The following FBXL7 variants were observed in gnomAD, a reference collection of about 807,000 sequenced individuals.
The protein encoded by FBXL7 is F-box/LRR-repeat protein 7.
FBXL7 carries 12 observed loss-of-function variants against 38.3 expected under a neutral mutation model. The observed-to-expected ratio is 0.31, with a 90% confidence interval of 0.20 to 0.51. The LOEUF (loss-of-function observed/expected upper bound fraction) is 0.51. Ranked by LOEUF, FBXL7 falls within the 20% of genes least tolerant of loss-of-function variation. FBXL7 has a pLI of 0.98. For synonymous variants in FBXL7, 297 were observed against 300.9 expected, an observed-to-expected ratio of 0.99 and a Z score of 0.13; for missense variants, 567 against 676.4, an observed-to-expected ratio of 0.84 and a Z score of 1.79.
intron 2 of FBXL7, among the ~76,000 whole-genome samples, chr5:15,662,108 C>T (rs1742099295): frequency 6.6e-6 from 1 of 152,154 alleles, no homozygotes; most frequent in Admixed American, 6.5e-5. Context: ...TATTGCTTTC[C>T]TTAATGGTTG....
At chr5:15,653,865 AAG>A in intron 2 of FBXL7, among the ~76,000 whole-genome samples, 1 of 152,332 alleles carries the variant, frequency 6.6e-6, no homozygotes, top group Non-Finnish European at 1.5e-5. Context: ...GCTACCAGTA[AAG>A]ACATGCACCT....
rs555213777 is a variant in FBXL7 at position 15,670,102 on chromosome 5, T to C, written c.127+54030T>C. ...AGTGAGGGAAAGCGGGTGTGTTGTTTTGGGGATTATTTGTTACTACAGCAT... is the reference window on the plus strand; with the variant it reads ...AGTGAGGGAAAGCGGGTGTGTTGTTCTGGGGATTATTTGTTACTACAGCAT... On this transcript the variant is annotated intron_variant, in intron 2 of 3. Transcript: ENST00000504595. Among the ~76,000 whole-genome samples, 3 of 152,268 alleles carry C rather than the reference T, an allele frequency of 2.0e-5. No individual in the cohort carries two copies. In the South Asian group the frequency reaches 6.2e-4, roughly 32 times the overall value.
At chr5:15,799,243 A>C (rs1737494703) in intron 2 of FBXL7, among the ~76,000 whole-genome samples, 1 of 152,170 alleles carries the variant, frequency 6.6e-6, no homozygotes, top group African/African-American at 2.4e-5. Context: ...GTGGATAGAC[A>C]GAAGGAGCGA....
At chr5:15,895,793 G>A (rs1158379144) in intron 2 of FBXL7, among the ~76,000 whole-genome samples, 10 of 151,044 alleles carry the variant, frequency 6.6e-5, no homozygotes, top group East Asian at 2.0e-4. Context: ...ACAGGTGCCC[G>A]CCACCACGCC....
intron 2 of FBXL7, among the ~76,000 whole-genome samples, chr5:15,716,158 C>A (rs1255211722): frequency 6.6e-6 from 1 of 152,190 alleles, no homozygotes; most frequent in African/African-American, 2.4e-5. Flanking sequence ...GTACAGCTTT[C>A]AGGATTGCTA....
At chr5:15,550,893 C>T (rs1289454576) in intron 1 of FBXL7, among the ~76,000 whole-genome samples, 1 of 152,210 alleles carries the variant, frequency 6.6e-6, no homozygotes, top group African/African-American at 2.4e-5. Flanking sequence ...TTTCTGACCT[C>T]CCCTTTGGAG....
At chr5:15,725,399 G>C (rs1744318003) in intron 2 of FBXL7, among the ~76,000 whole-genome samples, 1 of 151,748 alleles carries the variant, frequency 6.6e-6, no homozygotes, top group South Asian at 2.1e-4. Context: ...TGATCCACTG[G>C]GTTATTTAAG....
At chr5:15,692,064 G>A (rs924083955) in intron 2 of FBXL7, among the ~76,000 whole-genome samples, 2 of 152,146 alleles carry the variant, frequency 1.3e-5, no homozygotes, top group Admixed American at 1.3e-4. Context: ...GCCATGATGG[G>A]GTGAGAGCCA....
At chr5:15,915,217 G>C (rs1430327365) in intron 2 of FBXL7, among the ~76,000 whole-genome samples, 1 of 152,208 alleles carries the variant, frequency 6.6e-6, no homozygotes, top group Non-Finnish European at 1.5e-5. Context: ...CAATATAAAA[G>C]TGTGGAAAGA....
chr5:15,629,729 C>T (rs144830672), intron 2 of FBXL7, among the ~76,000 whole-genome samples: 361 of 152,120 alleles, frequency 2.4e-3, no homozygotes, highest in African/African-American at 8.0e-3. Context: ...GTATGCCTGG[C>T]GGCTACTGGA....
At chr5:15,576,059 A>G (rs1738954080) in intron 1 of FBXL7, among the ~76,000 whole-genome samples, 1 of 148,928 alleles carries the variant, frequency 6.7e-6, no homozygotes, top group South Asian at 2.1e-4. Context: ...AATGGTTGCC[A>G]GAGAATCTCA....
intron 2 of FBXL7, among the ~76,000 whole-genome samples, chr5:15,750,994 G>T (rs1233088243): frequency 2.0e-5 from 3 of 152,028 alleles, no homozygotes; most frequent in Non-Finnish European, 4.4e-5. Flanking sequence ...TCCTATTCTA[G>T]GACTGTGACA....
intron 2 of FBXL7, among the ~76,000 whole-genome samples, chr5:15,913,931 G>A (rs995142884): frequency 2.0e-5 from 3 of 152,148 alleles, no homozygotes; most frequent in Non-Finnish European, 4.4e-5. Context: ...GACTTAGTTC[G>A]GGGGTTGGGG....
chr5:15,542,427 A>C (rs902599755), intron 1 of FBXL7, among the ~76,000 whole-genome samples: 6 of 152,204 alleles, frequency 3.9e-5, no homozygotes, highest in Non-Finnish European at 8.8e-5. Context: ...AACATCCATC[A>C]GACTTTCCTA....
intron 2 of FBXL7, among the ~76,000 whole-genome samples, chr5:15,730,539 T>C (rs1164775339): frequency 6.6e-6 from 1 of 152,152 alleles, no homozygotes; most frequent in Non-Finnish European, 1.5e-5. Flanking sequence ...ATTCAAAATA[T>C]ATTGTTTTAT....
intron 2 of FBXL7, among the ~76,000 whole-genome samples, chr5:15,879,174 T>C (rs749765235): frequency 6.6e-5 from 10 of 152,344 alleles, no homozygotes; most frequent in Non-Finnish European, 1.2e-4. Context: ...GCAGAAGTCA[T>C]GCAAAATATG....
chr5:15,605,219 C>T (rs1161876971), intron 1 of FBXL7, among the ~76,000 whole-genome samples: 1 of 152,150 alleles, frequency 6.6e-6, no homozygotes, highest in Non-Finnish European at 1.5e-5. Context: ...GATCTGATTT[C>T]AGCTGGAAAC....
intron 2 of FBXL7, among the ~76,000 whole-genome samples, chr5:15,918,645 C>T (rs1038602679): frequency 1.3e-5 from 2 of 152,216 alleles, no homozygotes; most frequent in Non-Finnish European, 2.9e-5. Context: ...CAGTGAAGAG[C>T]TGAACAGTGG....
At chr5:15,500,752 C>T (rs1736466878) in intron 1 of FBXL7, 39 bp downstream of exon 1, 5 of 1,595,094 alleles carry the variant, frequency 3.1e-6, no homozygotes, top group Non-Finnish European at 2.6e-6. Flanking sequence ...CGGATCGCGT[C>T]CCTCCTCCCC....
Sources: gnomAD v4.1 joint callset for allele counts (sites outside exome capture counted in the v4.1 genomes callset) on GRCh38, gnomAD v4.1.1 for gene constraint, MANE v1.5 for transcripts, NCBI Gene and HGNC (gene_info 2026-07-23, HGNC 2026-07-21) for gene names.